COL9A1: variants seen among roughly 807,000 people sequenced by gnomAD.
COL9A1 encodes collagen type IX alpha 1 chain, also known as collagen alpha-1(IX) chain.
In COL9A1, 104 loss-of-function variants were observed where a neutral mutation model predicts 142.6. The observed-to-expected ratio is 0.73, with a 90% CI of 0.62 to 0.86. The LOEUF (loss-of-function observed/expected upper bound fraction) is 0.86. Among genes scored for constraint, COL9A1 ranks in the 40% least tolerant of loss-of-function variants. COL9A1 has a pLI of 0.00. For missense variants in COL9A1, 1,210 were observed against 1,176.6 expected (o/e 1.03, Z -0.42); for synonymous variants, 466 against 396.0 (o/e 1.18, Z -2.10).
chr6:70,288,636 C>T (rs1169234606), intron 5 of COL9A1, among the ~76,000 whole-genome samples: 1 of 152,162 alleles, frequency 6.6e-6, no homozygotes, highest in Non-Finnish European at 1.5e-5. Context: ...CACTGGCTGC[C>T]AGGGAGTTCT....
At position 70,238,459 on chromosome 6, in the gene COL9A1, G is replaced by A. The variant is rs551587356; in HGVS notation, c.2112+795C>T. Among the ~76,000 whole-genome samples the A allele has an allele frequency of 9.2e-5, 14 of 152,174 alleles. No individual in the cohort carries two copies. The South Asian group carries it at 2.3e-3, about 25-fold the overall frequency. On this transcript the variant is annotated intron_variant, in intron 33 of 37. Transcript: ENST00000357250. The stretch of plus-strand genomic sequence containing the variant: ...AAAAATGACAAAAATGAACAAGATC[G>A]TTTTCTACTTCTAATAATTTGCTAT...
In COL9A1 at chr6:70,299,224, A is replaced by G. The variant is rs112385280; in HGVS notation, c.299+819T>C. Among the ~76,000 whole-genome samples, 552 of 152,188 alleles carry G rather than the reference A, an allele frequency of 3.6e-3. 4 individuals carry two copies. The highest frequency in any genetic ancestry group is 0.012 in the African/African-American group (486 of 41,532). ...ATTTGTTCAAAATTTTTATTTTTAT[A>G]TACATTGAGTTTCTATATTATCTTA... On this transcript the variant is annotated intron_variant, in intron 4 of 37. Transcript: ENST00000357250.
chr6:70,237,973 T>C (rs1770018706), intron 33 of COL9A1, among the ~76,000 whole-genome samples: 1 of 152,150 alleles, frequency 6.6e-6, no homozygotes, highest in Admixed American at 6.5e-5. Flanking sequence ...AACAAGGTGT[T>C]AAACAGCATG....
At chr6:70,267,450 G>A (rs1772100288) in intron 17 of COL9A1, among the ~76,000 whole-genome samples, 1 of 151,412 alleles carries the variant, frequency 6.6e-6, no homozygotes, top group Non-Finnish European at 1.5e-5. Flanking sequence ...AGCTTCCCGA[G>A]TAGCTGGGAT....
chr6:70,294,249 G>A lies in COL9A1; in HGVS notation c.614C>T (p.Pro205Leu), dbSNP rs778431244. The change falls in exon 5 of 38, where the codon CCT (proline) becomes CTT (leucine). Residue 205 changes from proline to leucine, a missense_variant. Pro to Leu is a moderately conservative substitution (Grantham distance 98, BLOSUM62 -3). Transcript: ENST00000357250. ...FVDCNRIESL[P>L]IKPRGPIDID... ...GTCAATTGGGCCTCTTGGCTTTATA[G>A]GTAAAGATTCAATCCTGTTGCAGTC... 1.2e-6 allele frequency: 2 copies of A among 1,614,020 alleles called. No individual in the cohort carries two copies. The highest frequency in any genetic ancestry group is 1.7e-6 in the Non-Finnish European group (2 of 1,179,962).
At chr6:70,248,930 GCAATTAACATTC>G (rs1005872333) in intron 28 of COL9A1, among the ~76,000 whole-genome samples, 1 of 152,114 alleles carries the variant, frequency 6.6e-6, no homozygotes, top group African/African-American at 2.4e-5. Flanking sequence ...TTTTCATGAT[GCAATTAACATTC>G]CAATTACATC....
At chr6:70,302,390 A>G (rs9446222) in intron 1 of COL9A1, among the ~76,000 whole-genome samples, 1 of 151,720 alleles carries the variant, frequency 6.6e-6, no homozygotes, top group African/African-American at 2.4e-5. Context: ...TTCTATTTTT[A>G]GTGGAGACAG....
chr6:70,237,544 C>G (rs966156270), intron 33 of COL9A1, among the ~76,000 whole-genome samples: 3 of 152,186 alleles, frequency 2.0e-5, no homozygotes, highest in African/African-American at 7.2e-5. Flanking sequence ...AGAGCTAATT[C>G]CTAATACTAT....
chr6:70,300,116 T>C lies in COL9A1; in HGVS notation c.226A>G (p.Arg76Gly), dbSNP rs1774005110. 2.5e-6 allele frequency: 4 copies of C among 1,613,966 alleles called. No homozygotes were observed. The highest frequency in any genetic ancestry group is 2.5e-6 in the Non-Finnish European group (3 of 1,179,922). Reference sequence around the variant, plus strand: ...TGCAATGTAGCTGATCCCACTACTCTCTGGATAGCTCTTCTAGATGCTGCT... The same window carrying C: ...TGCAATGTAGCTGATCCCACTACTCCCTGGATAGCTCTTCTAGATGCTGCT... ...DKAASRRAIQRVVGSATLQVA... is the reference protein window; with the variant it reads ...DKAASRRAIQGVVGSATLQVA... The change falls in exon 4 of 38, where the codon AGA (arginine) becomes GGA (glycine). Residue 76 changes from arginine (R) to glycine (G), a missense_variant. Transcript: ENST00000357250.
intron 5 of COL9A1, among the ~76,000 whole-genome samples, chr6:70,287,212 A>G (rs1404772662): frequency 6.6e-6 from 1 of 152,188 alleles, no homozygotes; most frequent in Non-Finnish European, 1.5e-5. Context: ...ACAAGTCCCA[A>G]GGGTAGGAAG....
chr6:70,294,498 C>A lies in COL9A1; in HGVS notation c.365G>T (p.Ser122Ile). 6.2e-7 allele frequency: 1 copy of A among 1,614,082 alleles called. No homozygotes were observed. Among genetic ancestry groups the A allele is most frequent in the Middle Eastern group, 1.7e-4 (1 of 6,060 alleles). ...AATGTTCCAGTTCTTTTTGAGAGTGCTTCCAGTCATTCGAAACGTCGTCAA... is the reference window on the plus strand; with the variant it reads ...AATGTTCCAGTTCTTTTTGAGAGTGATTCCAGTCATTCGAAACGTCGTCAA... ...SFLTTFRMTG[S>I]TLKKNWNIWQ... Residue 122 changes from serine (S) to isoleucine (I), a missense_variant, in exon 5 of 38, where the codon AGC becomes ATC. Coordinates refer to ENST00000357250, the MANE Select transcript of COL9A1 (RefSeq NM_001851.6).
chr6:70,241,357 T>A, intron 31 of COL9A1, 62 bp downstream of exon 31: 1 of 1,333,976 alleles, frequency 7.5e-7, no homozygotes, highest in East Asian at 2.3e-5. Context: ...CCATTCCCCC[T>A]TGCTTGTGAA....
In COL9A1 at chr6:70,300,358, A is replaced by T. The variant is rs769180289; in HGVS notation, c.117T>A (p.Gly39=). ...TGATCTTTGGACAGAGTTCATTTCC[A>T]CCATTAGAATTGGAATTGACAGGGA... ...PRFPVNSNSN[G]GNELCPKIRI... Residue 39 remains glycine (G), a synonymous_variant, in exon 3 of 38, where the codon GGT becomes GGA. Transcript: ENST00000357250. 6.2e-7 allele frequency: 1 copy of T among 1,613,494 alleles called. No individual in the cohort carries two copies. Among genetic ancestry groups the T allele is most frequent in the South Asian group, 1.1e-5 (1 of 91,052 alleles).
intron 4 of COL9A1, among the ~76,000 whole-genome samples, chr6:70,296,350 T>C (rs935739458): frequency 6.6e-6 from 1 of 152,152 alleles, no homozygotes; most frequent in African/African-American, 2.4e-5. Flanking sequence ...TTAATCTTAC[T>C]GCAAAGTTTT....
At chr6:70,272,033 T>C in intron 13 of COL9A1, 32 bp downstream of exon 13, 2 of 1,601,748 alleles carry the variant, frequency 1.2e-6, no homozygotes, top group Non-Finnish European at 1.7e-6. Context: ...TTTTATAGAC[T>C]GCATAAAAAT....
At position 70,303,034 on chromosome 6, in the gene COL9A1, TG is replaced by T; in HGVS notation, c.-111del. ...ACTGTTACCCTAGGACTATGTGTTC[TG>T]GGCCCAGCCTTGGTCCCTCCTGCCC... On this transcript the variant is annotated 5_prime_UTR_variant, in exon 1 of 38. Coordinates refer to ENST00000357250, the MANE Select transcript of COL9A1 (RefSeq NM_001851.6). 1 of 1,230,162 alleles carries T rather than the reference TG, an allele frequency of 8.1e-7. No homozygotes were observed. The highest frequency in any genetic ancestry group is 1.2e-5 in the South Asian group (1 of 83,250). The allele number at this position is 1,230,162 out of a possible 1,614,324, so 76.2% of individuals were successfully genotyped here. A position where few individuals can be genotyped will look rare whatever the true frequency, so the allele number is the denominator to read the frequency against.
At chr6:70,222,197 A>T (rs1562284744) in intron 37 of COL9A1, among the ~76,000 whole-genome samples, 1 of 152,224 alleles carries the variant, frequency 6.6e-6, no homozygotes. Flanking sequence ...CAATAATAAC[A>T]GTTAAATTTC....
chr6:70,258,241 A>G (rs117934156), intron 20 of COL9A1, among the ~76,000 whole-genome samples: 2,186 of 152,368 alleles, frequency 0.014, 32 homozygotes, highest in Middle Eastern at 0.024. Context: ...ATAAAAAGGC[A>G]TAATGAGGCA....
chr6:70,258,219 TCTA>T (rs1335368139), intron 20 of COL9A1, among the ~76,000 whole-genome samples: 1 of 152,226 alleles, frequency 6.6e-6, no homozygotes, highest in Non-Finnish European at 1.5e-5. Context: ...ATTTTTCTTA[TCTA>T]CTAAGTGAAT....
Sources: allele counts gnomAD v4.1 joint callset (sites outside exome capture counted in the v4.1 genomes callset), GRCh38; gene constraint gnomAD v4.1.1; transcripts MANE v1.5; gene names NCBI Gene and HGNC (gene_info 2026-07-23, HGNC 2026-07-21).